The following TRIM38 variants were observed in gnomAD, a reference collection of about 807,000 sequenced individuals.
TRIM38 encodes the protein E3 ubiquitin-protein ligase TRIM38.
A neutral mutation model predicts 35.8 loss-of-function variants in TRIM38; 35 were observed. The ratio of observed to expected loss-of-function variants is 0.98; its 90% CI spans 0.75 to 1.30. The LOEUF (loss-of-function observed/expected upper bound fraction) is 1.30, where lower values mean the gene tolerates loss of function less well. Among genes scored for constraint, TRIM38 ranks in the 50% most tolerant of loss-of-function variants. The pLI, the probability that TRIM38 is intolerant of heterozygous loss-of-function variation, is 0.00. For missense variants in TRIM38, 545 were observed against 556.9 expected, an observed-to-expected ratio of 0.98 and a Z score of 0.21; for synonymous variants, 198 against 204.7, an observed-to-expected ratio of 0.97 and a Z score of 0.28.
Position 25,989,960 on chromosome 6 carries a change from A to G in TRIM38, c.*6273A>G, listed in dbSNP as rs1191967350. On this transcript the variant is annotated 3_prime_UTR_variant, in exon 8 of 8. Transcript: ENST00000357085. Reference sequence around the variant, plus strand: ...TGGAAGAAAATTACTGATCAAATTCACTATGTATTTGCAGAAAATGGCTTT... The same window carrying G: ...TGGAAGAAAATTACTGATCAAATTCGCTATGTATTTGCAGAAAATGGCTTT... The G allele has an allele frequency of 1.3e-5, 2 of 151,058 alleles. No individual in the cohort carries two copies. The highest frequency in any genetic ancestry group is 2.9e-5 in the Non-Finnish European group (2 of 67,856). The allele number at this position is 151,058 out of a possible 1,614,324, so 9.4% of individuals were successfully genotyped here.
intron 4 of TRIM38, among the ~76,000 whole-genome samples, chr6:25,971,145 C>G (rs1332061668): frequency 6.6e-6 from 1 of 152,206 alleles, no homozygotes; most frequent in Non-Finnish European, 1.5e-5. Context: ...CTTCTTAAAT[C>G]ATAAGTAAAA....
At chr6:25,980,406 G>A (rs1467120035) in intron 7 of TRIM38, among the ~76,000 whole-genome samples, 1 of 150,352 alleles carries the variant, frequency 6.7e-6, no homozygotes, top group East Asian at 1.9e-4. Flanking sequence ...TTTTTTAGGT[G>A]ACTCCTTTCA....
chr6:25,975,177 C>G, intron 7 of TRIM38: 1 of 970,312 alleles, frequency 1.0e-6, no homozygotes, highest in Non-Finnish European at 1.2e-6. Context: ...CTAAATATTT[C>G]TCCCCTCTTA....
At chr6:25,972,952 TCTTTA>T in intron 5 of TRIM38, 97 bp from the exon 6 acceptor site, 1 of 1,472,992 alleles carries the variant, frequency 6.8e-7, no homozygotes, top group Non-Finnish European at 9.4e-7. Context: ...AGGGTAACTC[TCTTTA>T]CTTCTTCGGG....
At position 25,972,062 on chromosome 6, in the gene TRIM38, A is replaced by T; in HGVS notation, c.701A>T (p.Glu234Val). Residue 234 changes from glutamate to valine, a missense_variant, in exon 5 of 8, where the codon GAG becomes GTG. Coordinates refer to ENST00000357085, the MANE Select transcript of TRIM38 (RefSeq NM_006355.5). ...NELKSHILEL[E>V]EKCQGSAQKL... ...CTCAAGAGCCACATCCTGGAACTGG[A>T]GGAAAAATGTCAGGGCTCAGCCCAG... 8 of 1,614,162 alleles carry T rather than the reference A, an allele frequency of 5.0e-6. No individual in the cohort carries two copies. Among genetic ancestry groups the T allele is most frequent in the Non-Finnish European group, 6.8e-6 (8 of 1,180,020 alleles).
chr6:25,964,351 C>A (rs949429951), intron 2 of TRIM38, among the ~76,000 whole-genome samples: 7 of 151,808 alleles, frequency 4.6e-5, no homozygotes, highest in Admixed American at 2.6e-4. Context: ...AGGGTGATAT[C>A]AGGAGAATAT....
At position 25,983,810 on chromosome 6, in the gene TRIM38, T is replaced by A; in HGVS notation, c.*123T>A. 1.2e-6 allele frequency: 1 copy of A among 848,534 alleles called. No homozygotes were observed. The highest frequency in any genetic ancestry group is 1.8e-6 in the Non-Finnish European group (1 of 566,490). The allele number at this position is 848,534 out of a possible 1,614,324, so 52.6% of individuals were successfully genotyped here. A position where few individuals can be genotyped will look rare whatever the true frequency, so the allele number is the denominator to read the frequency against. Reference sequence around the variant, plus strand: ...CTTAGTAGTTAGACTAGTGCTGAGATTTTAGTGGATATATAATTGATTTAT... The same window carrying A: ...CTTAGTAGTTAGACTAGTGCTGAGAATTTAGTGGATATATAATTGATTTAT... On this transcript the variant is annotated 3_prime_UTR_variant, in exon 8 of 8. Transcript: ENST00000357085.
At chr6:25,967,548 TTTCC>T (rs1316686924) in intron 3 of TRIM38, among the ~76,000 whole-genome samples, 76 of 62,966 alleles carry the variant, frequency 1.2e-3, no homozygotes, top group Non-Finnish European at 1.7e-3. Flanking sequence ...TTTTTTTTTT[TTTCC>T]TGAGGTAGGG....
At position 25,983,804 on chromosome 6, in the gene TRIM38, C is replaced by A; in HGVS notation, c.*117C>A. On this transcript the variant is annotated 3_prime_UTR_variant, in exon 8 of 8. Transcript: ENST00000357085. ...CATTTCCTTAGTAGTTAGACTAGTG[C>A]TGAGATTTTAGTGGATATATAATTG... 1 of 962,732 alleles carries A rather than the reference C, an allele frequency of 1.0e-6. No individual in the cohort carries two copies. Among genetic ancestry groups the A allele is most frequent in the Non-Finnish European group, 1.5e-6 (1 of 666,930 alleles). 59.6% of individuals were successfully genotyped at this position (962,732 alleles called of 1,614,324 possible). A position where few individuals can be genotyped will look rare whatever the true frequency, so the allele number is the denominator to read the frequency against.
chr6:25,976,281 T>C (rs973196225), intron 7 of TRIM38, among the ~76,000 whole-genome samples: 4 of 152,148 alleles, frequency 2.6e-5, no homozygotes, highest in African/African-American at 2.4e-5. Flanking sequence ...TTTACTTATC[T>C]CTTTTAGACA....
At chr6:25,965,370 T>A (rs1759992273) in intron 2 of TRIM38, among the ~76,000 whole-genome samples, 1 of 152,216 alleles carries the variant, frequency 6.6e-6, no homozygotes, top group Non-Finnish European at 1.5e-5. Flanking sequence ...TAAGTTAAAT[T>A]TAAATTCCTA....
chr6:25,979,775 G>T (rs1760495590), intron 7 of TRIM38, among the ~76,000 whole-genome samples: 1 of 150,816 alleles, frequency 6.6e-6, no homozygotes. Context: ...ATTTAAATTA[G>T]ATGCTTGGCT....
chr6:25,974,772 C>A, intron 7 of TRIM38: 2 of 588,182 alleles, frequency 3.4e-6, no homozygotes, highest in Middle Eastern at 8.6e-4. Flanking sequence ...AACTTCTAAA[C>A]TAATTTGAAT....
Position 25,983,593 on chromosome 6 carries a change from TTAC to T in TRIM38, c.1306_1308del (p.Thr436del), listed in dbSNP as rs770211105. 1.2e-6 allele frequency: 2 copies of T among 1,614,106 alleles called. No homozygotes were observed. The highest frequency in any genetic ancestry group is 2.2e-5 in the East Asian group (1 of 44,868). On this transcript the variant is annotated inframe_deletion, in exon 8 of 8. Coordinates refer to ENST00000357085, the MANE Select transcript of TRIM38 (RefSeq NM_006355.5). ...AACGGGAATACTGGCTGCCACATCT[TTAC>T]TTTCCCGAAGGCTTCCTTCTCTGAT...
At position 25,983,634 on chromosome 6, in the gene TRIM38, T is replaced by A. The variant is rs1445323813; in HGVS notation, c.1345T>A (p.Tyr449Asn). The stretch of plus-strand genomic sequence containing the variant: ...TTCCTTCTCTGATACTCTCCGGCCC[T>A]ATTTCCAGGTTTATCAATATTCTCC... ...KASFSDTLRPYFQVYQYSPLF... is the reference protein window; with the variant it reads ...KASFSDTLRPNFQVYQYSPLF... The change falls in exon 8 of 8, where the codon TAT becomes AAT. Residue 449 changes from tyrosine to asparagine, a missense_variant. Coordinates refer to ENST00000357085, the MANE Select transcript of TRIM38 (RefSeq NM_006355.5). 1 of 1,611,650 alleles carries A rather than the reference T, an allele frequency of 6.2e-7. No homozygotes were observed. Among genetic ancestry groups the A allele is most frequent in the Non-Finnish European group, 8.5e-7 (1 of 1,179,260 alleles).
At position 25,966,872 on chromosome 6, in the gene TRIM38, G is replaced by A. The variant is rs755536630; in HGVS notation, c.350G>A (p.Arg117Gln). Residue 117 changes from arginine (R) to glutamine (Q), a missense_variant, in exon 3 of 8, where the codon CGG becomes CAG. By Grantham distance (43) the Arg-to-Gln change is conservative. Transcript: ENST00000357085. Reference protein sequence around the residue: ...EGQLICWRCERAPQHKGHTTA... With the variant: ...EGQLICWRCEQAPQHKGHTTA... ...CAGCTCATCTGCTGGCGCTGTGAGC[G>A]GGCACCACAGCACAAAGGGCACACC... 8.1e-6 allele frequency: 13 copies of A among 1,614,012 alleles called. No individual in the cohort carries two copies. Among genetic ancestry groups the A allele is most frequent in the South Asian group, 2.2e-5 (2 of 91,076 alleles).
Position 25,983,699 on chromosome 6 carries a change from G to A in TRIM38, c.*12G>A. ...CCCCAGGTGACTAAGGAAAAGAGCA[G>A]AAGCTCCTTGGTTTAACCAGCACAG... On this transcript the variant is annotated 3_prime_UTR_variant, in exon 8 of 8. Coordinates refer to ENST00000357085, the MANE Select transcript of TRIM38 (RefSeq NM_006355.5). The A allele has an allele frequency of 1.3e-6, 2 of 1,556,442 alleles. No homozygotes were observed. Among genetic ancestry groups the A allele is most frequent in the Non-Finnish European group, 1.7e-6 (2 of 1,156,978 alleles).
Position 25,983,199 on chromosome 6 carries a change from G to T in TRIM38, c.910G>T (p.Glu304Ter). Residue 304 changes from glutamate (E) to a stop codon, truncating the protein, a stop_gained, in exon 8 of 8, where the codon GAA becomes TAA. Coordinates refer to ENST00000357085, the MANE Select transcript of TRIM38 (RefSeq NM_006355.5). LOFTEE classifies it low-confidence loss of function (END_TRUNC). The part of the protein sequence containing the change: ...VTLDPDTAHH[E>*]LILSEDRRQV... ...TCTGGATCCAGATACAGCTCATCAC[G>T]AACTAATTCTCTCTGAGGATCGGAG... The T allele has an allele frequency of 6.2e-7, 1 of 1,609,282 alleles. No homozygotes were observed. Among genetic ancestry groups the T allele is most frequent in the Non-Finnish European group, 8.5e-7 (1 of 1,177,716 alleles).
chr6:25,989,329 C>T lies in TRIM38; in HGVS notation c.*5642C>T, dbSNP rs1308302464. 6.6e-6 allele frequency: 1 copy of T among 152,096 alleles called. No homozygotes were observed. Among genetic ancestry groups the T allele is most frequent in the Non-Finnish European group, 1.5e-5 (1 of 68,020 alleles). The allele number at this position is 152,096 out of a possible 1,614,324, so 9.4% of individuals were successfully genotyped here. A position where few individuals can be genotyped will look rare whatever the true frequency, so the allele number is the denominator to read the frequency against. ...ATCTGTCTTTTGCAAACATTACCTGCCAATGTGTGGCTTTTCTTCAACACT... is the reference window on the plus strand; with the variant it reads ...ATCTGTCTTTTGCAAACATTACCTGTCAATGTGTGGCTTTTCTTCAACACT... On this transcript the variant is annotated 3_prime_UTR_variant, in exon 8 of 8. Transcript: ENST00000357085.
Sources: allele counts gnomAD v4.1 joint callset (sites outside exome capture counted in the v4.1 genomes callset), GRCh38; gene constraint gnomAD v4.1.1; transcripts MANE v1.5; gene names NCBI Gene and HGNC (gene_info 2026-07-23, HGNC 2026-07-21).